ELP4: variants seen among roughly 807,000 people sequenced by gnomAD.
ELP4 encodes elongator complex protein 4.
In ELP4, 51 loss-of-function variants were observed where a neutral mutation model predicts 48.9. The ratio of observed to expected loss-of-function variants is 1.04; its 90% confidence interval spans 0.83 to 1.32. ELP4 has a LOEUF of 1.32. Among genes scored for constraint, ELP4 ranks in the 40% most tolerant of loss-of-function variants. The probability of loss-of-function intolerance (pLI) is 0.00; values close to 1 mark genes in which losing one functional copy is unlikely to be tolerated. For synonymous variants in ELP4, 210 were observed against 189.2 expected, an observed-to-expected ratio of 1.11 and a Z score of -0.90; for missense variants, 519 against 514.6, an observed-to-expected ratio of 1.01 and a Z score of -0.08.
At chr11:31,738,938 G>C (rs1947384898) in intron 9 of ELP4, among the ~76,000 whole-genome samples, 1 of 152,154 alleles carries the variant, frequency 6.6e-6, no homozygotes, top group African/African-American at 2.4e-5. Context: ...ATGAGGCGTT[G>C]CTGTTCAATG....
intron 2 of ELP4, among the ~76,000 whole-genome samples, chr11:31,528,690 C>T (rs1397802057): frequency 6.6e-6 from 1 of 151,800 alleles, no homozygotes; most frequent in Non-Finnish European, 1.5e-5. Context: ...AGATTTTTAT[C>T]CTGGGAAAGT....
chr11:31,759,732 A>C (rs1947906996), intron 9 of ELP4, among the ~76,000 whole-genome samples: 1 of 141,736 alleles, frequency 7.1e-6, no homozygotes, highest in Admixed American at 7.3e-5. Context: ...TTTGAGACGG[A>C]GTCTCGCTCT....
Position 31,757,067 on chromosome 11 carries a change from C to A in ELP4, c.1144-26326C>A, listed in dbSNP as rs543929618. On this transcript the variant is annotated intron_variant, in intron 9 of 9. Coordinates refer to ENST00000640961, the MANE Select transcript of ELP4 (RefSeq NM_019040.5). ...AAATCATACTGAAATATAGAACTAT[C>A]ACCAAAAACTGTGTTTTAAAACAAC... Among the ~76,000 whole-genome samples, 4 of 152,298 alleles carry A rather than the reference C, an allele frequency of 2.6e-5. No individual in the cohort carries two copies. The South Asian group carries it at 8.3e-4, about 32-fold the overall frequency.
At chr11:31,673,794 A>T (rs1211334544) in intron 9 of ELP4, among the ~76,000 whole-genome samples, 1 of 152,246 alleles carries the variant, frequency 6.6e-6, no homozygotes, top group African/African-American at 2.4e-5. Context: ...ATGTTTAAAC[A>T]TGCTAAATTT....
At chr11:31,646,903 G>A (rs1945211133) in intron 7 of ELP4, 1 of 150,016 alleles carries the variant, frequency 6.7e-6, no homozygotes, top group South Asian at 2.1e-4. Context: ...CCAGATATTT[G>A]ATGATTATAT....
At chr11:31,698,599 G>A (rs756515986) in intron 9 of ELP4, among the ~76,000 whole-genome samples, 12 of 152,014 alleles carry the variant, frequency 7.9e-5, no homozygotes, top group East Asian at 5.8e-4. Context: ...TTTTAGTAGC[G>A]ACAGGGTTTC....
At chr11:31,634,505 T>G (rs569739607) in intron 7 of ELP4, among the ~76,000 whole-genome samples, 1 of 152,148 alleles carries the variant, frequency 6.6e-6, no homozygotes, top group East Asian at 1.9e-4. Context: ...AAAGCCATTT[T>G]GTTGGTGAGC....
intron 9 of ELP4, among the ~76,000 whole-genome samples, chr11:31,735,159 CAAA>C (rs397776294): frequency 2.6e-5 from 3 of 114,810 alleles, no homozygotes; most frequent in South Asian, 5.3e-4. Flanking sequence ...TATCCATTGG[CAAA>C]AAAAAAAAAA....
At chr11:31,782,295 G>A (rs996206731) in intron 9 of ELP4, among the ~76,000 whole-genome samples, 2 of 152,112 alleles carry the variant, frequency 1.3e-5, no homozygotes, top group African/African-American at 2.4e-5. Flanking sequence ...AAATAATATG[G>A]TTCTCCCCTT....
chr11:31,722,274 A>AAATG (rs1454504070), intron 9 of ELP4, among the ~76,000 whole-genome samples: 10 of 152,168 alleles, frequency 6.6e-5, no homozygotes. Flanking sequence ...TCCAAAACAC[A>AAATG]AATGATTAAG....
chr11:31,763,631 A>G (rs1592290406), intron 9 of ELP4: 1 of 1,408,500 alleles, frequency 7.1e-7, no homozygotes, highest in African/African-American at 1.4e-5. Context: ...TTAAGGGATG[A>G]TAGTTTAAGG....
intron 6 of ELP4, among the ~76,000 whole-genome samples, chr11:31,630,953 G>C (rs1245811984): frequency 6.6e-6 from 1 of 151,620 alleles, no homozygotes; most frequent in Admixed American, 6.6e-5. Context: ...CAAAAAAAAA[G>C]AAAAAAGAAA....
intron 9 of ELP4, among the ~76,000 whole-genome samples, chr11:31,710,865 A>C (rs187970944): frequency 5.8e-4 from 89 of 152,302 alleles, no homozygotes; most frequent in African/African-American, 2.1e-3. Context: ...AGCTTACAAT[A>C]TAATAGGGGA....
At chr11:31,524,856 G>A (rs1230401542) in intron 2 of ELP4, among the ~76,000 whole-genome samples, 1 of 152,118 alleles carries the variant, frequency 6.6e-6, no homozygotes, top group African/African-American at 2.4e-5. Context: ...GTGGTGGCAT[G>A]TACCTGTAGT....
intron 9 of ELP4, among the ~76,000 whole-genome samples, chr11:31,726,905 A>C (rs1443011716): frequency 6.6e-6 from 1 of 152,216 alleles, no homozygotes; most frequent in East Asian, 1.9e-4. Context: ...CATAATTTAT[A>C]ATGAACTCTG....
chr11:31,555,602 G>A (rs1422846520), intron 3 of ELP4, among the ~76,000 whole-genome samples: 1 of 151,630 alleles, frequency 6.6e-6, no homozygotes, highest in African/African-American at 2.4e-5. Context: ...TATTAATGTG[G>A]TCCAGTTTTT....
At chr11:31,613,451 AC>A (rs1958018866) in intron 5 of ELP4, among the ~76,000 whole-genome samples, 1 of 152,192 alleles carries the variant, frequency 6.6e-6, no homozygotes, top group African/African-American at 2.4e-5. Context: ...TTATTGAAAT[AC>A]ATAGTAATAA....
intron 3 of ELP4, among the ~76,000 whole-genome samples, chr11:31,552,997 A>G (rs1956876389): frequency 6.6e-6 from 1 of 152,124 alleles, no homozygotes; most frequent in Non-Finnish European, 1.5e-5. Flanking sequence ...CTTTGCTCAA[A>G]TGTTGCCATC....
chr11:31,603,323 A>G (rs1203603776), intron 4 of ELP4, among the ~76,000 whole-genome samples: 1 of 151,918 alleles, frequency 6.6e-6, no homozygotes, highest in East Asian at 1.9e-4. Context: ...AATATATTTA[A>G]ATAGCTAGTT....
Sources: allele counts gnomAD v4.1 joint callset (sites outside exome capture counted in the v4.1 genomes callset), GRCh38; gene constraint gnomAD v4.1.1; transcripts MANE v1.5; gene names NCBI Gene and HGNC (gene_info 2026-07-23, HGNC 2026-07-21).